The following PTPRG variants were observed in gnomAD, a reference collection of about 807,000 sequenced individuals.
The protein encoded by PTPRG is receptor-type tyrosine-protein phosphatase gamma.
PTPRG carries 102 observed loss-of-function variants against 165.3 expected under a neutral mutation model. The observed-to-expected ratio is 0.62, with a 90% confidence interval of 0.53 to 0.73. PTPRG has a LOEUF of 0.73. Ranked by LOEUF, PTPRG falls within the 30% of genes least tolerant of loss-of-function variation. The probability of loss-of-function intolerance (pLI) is 0.00; values close to 1 mark genes in which losing one functional copy is unlikely to be tolerated. For missense variants in PTPRG, 1,866 were observed against 1,861.4 expected (o/e 1.00, Z -0.05); for synonymous variants, 675 against 669.5 (o/e 1.01, Z -0.13).
At chr3:61,935,969 C>A (rs1298969915) in intron 2 of PTPRG, among the ~76,000 whole-genome samples, 1 of 152,066 alleles carries the variant, frequency 6.6e-6, no homozygotes, top group African/African-American at 2.4e-5. Flanking sequence ...GTGATGAGGT[C>A]ATGAGGACTT....
intron 20 of PTPRG, among the ~76,000 whole-genome samples, chr3:62,269,524 ATG>A (rs1264380873): frequency 6.6e-6 from 1 of 152,148 alleles, no homozygotes; most frequent in African/African-American, 2.4e-5. Flanking sequence ...TTCCCAAAGT[ATG>A]TTCCAAGGAA....
chr3:62,025,094 C>T (rs541378002), intron 4 of PTPRG, among the ~76,000 whole-genome samples: 3 of 152,190 alleles, frequency 2.0e-5, no homozygotes, highest in Non-Finnish European at 2.9e-5. Flanking sequence ...GTCCAGTTTT[C>T]GTATGTGGGC....
chr3:62,079,642 T>A (rs1460151559), intron 5 of PTPRG, among the ~76,000 whole-genome samples: 1 of 152,210 alleles, frequency 6.6e-6, no homozygotes, highest in South Asian at 2.1e-4. Context: ...TGGTCTAATT[T>A]GCCCATTGTT....
chr3:62,102,994 A>G (rs185995795), intron 5 of PTPRG, among the ~76,000 whole-genome samples: 75 of 152,316 alleles, frequency 4.9e-4, no homozygotes, highest in African/African-American at 1.4e-3. Flanking sequence ...CAGAAGTTAA[A>G]TCACAAGTCT....
At chr3:62,040,951 T>A (rs1700108870) in intron 4 of PTPRG, among the ~76,000 whole-genome samples, 1 of 152,180 alleles carries the variant, frequency 6.6e-6, no homozygotes, top group African/African-American at 2.4e-5. Context: ...GAGACAGACA[T>A]AGAGGTCAAG....
chr3:61,827,434 A>G (rs2036145459), intron 2 of PTPRG, among the ~76,000 whole-genome samples: 1 of 152,180 alleles, frequency 6.6e-6, no homozygotes, highest in African/African-American at 2.4e-5. Flanking sequence ...GAAAGGTGGA[A>G]GGTGGACAGA....
intron 1 of PTPRG, among the ~76,000 whole-genome samples, chr3:61,642,247 C>T (rs746085060): frequency 6.6e-6 from 1 of 152,162 alleles, no homozygotes; most frequent in Non-Finnish European, 1.5e-5. Flanking sequence ...TTGGGGCCGT[C>T]AGCCTTGCAG....
chr3:62,272,353 T>C (rs992056598), intron 21 of PTPRG, among the ~76,000 whole-genome samples: 3 of 152,248 alleles, frequency 2.0e-5, no homozygotes, highest in Admixed American at 6.5e-5. Context: ...GAAATCCTTG[T>C]ATAAAGCTTG....
intron 2 of PTPRG, among the ~76,000 whole-genome samples, chr3:61,914,322 T>A (rs530977842): frequency 1.3e-5 from 2 of 152,336 alleles, no homozygotes; most frequent in Admixed American, 6.5e-5. Context: ...CTGGGTCTTC[T>A]ACTTTAAGAC....
intron 5 of PTPRG, among the ~76,000 whole-genome samples, chr3:62,132,256 GCT>G (rs1462252789): frequency 9.8e-5 from 15 of 152,298 alleles, no homozygotes; most frequent in African/African-American, 3.6e-4. Flanking sequence ...ATGATGGATT[GCT>G]CTCTCATGAC....
intron 2 of PTPRG, among the ~76,000 whole-genome samples, chr3:61,844,591 T>G (rs994823301): frequency 1.3e-5 from 2 of 149,558 alleles, no homozygotes; most frequent in African/African-American, 5.0e-5. Context: ...TAGTGTAGCC[T>G]TGAACTCATG....
chr3:62,002,821 C>T (rs528837990), intron 3 of PTPRG, among the ~76,000 whole-genome samples: 66 of 152,338 alleles, frequency 4.3e-4, no homozygotes, highest in East Asian at 2.3e-3. Flanking sequence ...TGTCTTCCCA[C>T]TTACTGTTGC....
chr3:61,984,858 A>T (rs2107684561), intron 2 of PTPRG, among the ~76,000 whole-genome samples: 1 of 152,248 alleles, frequency 6.6e-6, no homozygotes, highest in South Asian at 2.1e-4. Context: ...ACTTTTGAGG[A>T]GTGTTTGTCA....
chr3:61,643,065 C>T (rs1014911567), intron 1 of PTPRG, among the ~76,000 whole-genome samples: 10 of 152,048 alleles, frequency 6.6e-5, no homozygotes, highest in East Asian at 3.9e-4. Context: ...TCCAGACTGA[C>T]CAAAGGTCTG....
At chr3:62,279,537 T>A (rs1216889609) in intron 26 of PTPRG, among the ~76,000 whole-genome samples, 6 of 152,076 alleles carry the variant, frequency 3.9e-5, no homozygotes, top group Non-Finnish European at 8.8e-5. Flanking sequence ...CACTCATAAA[T>A]CCTATGCTTA....
intron 1 of PTPRG, among the ~76,000 whole-genome samples, chr3:61,634,309 C>T (rs1335501293): frequency 6.6e-6 from 1 of 152,002 alleles, no homozygotes; most frequent in African/African-American, 2.4e-5. Context: ...GCGATCTCGG[C>T]TCACTGCAGC....
chr3:61,562,643 C>T (rs982168293), intron 1 of PTPRG, among the ~76,000 whole-genome samples: 3 of 151,334 alleles, frequency 2.0e-5, no homozygotes, highest in African/African-American at 7.3e-5. Flanking sequence ...TTTGGGGGTC[C>T]TGGGGAGCTG....
intron 2 of PTPRG, among the ~76,000 whole-genome samples, chr3:61,972,930 C>T (rs2040417550): frequency 6.6e-6 from 1 of 151,762 alleles, no homozygotes; most frequent in Non-Finnish European, 1.5e-5. Flanking sequence ...AAGTGTTGGG[C>T]TTATAGGCAT....
At chr3:62,074,929 T>G (rs1203500987) in intron 4 of PTPRG, among the ~76,000 whole-genome samples, 1 of 152,178 alleles carries the variant, frequency 6.6e-6, no homozygotes, top group Admixed American at 6.5e-5. Context: ...CAAAGTATGT[T>G]TCAATTCACG....
Sources: allele counts gnomAD v4.1 joint callset (sites outside exome capture counted in the v4.1 genomes callset), GRCh38; gene constraint gnomAD v4.1.1; transcripts MANE v1.5; gene names NCBI Gene and HGNC (gene_info 2026-07-23, HGNC 2026-07-21).